Variants in UNC13C observed in about 807,000 individuals in gnomAD.
The protein encoded by UNC13C is unc-13 homolog C, also known as protein unc-13 homolog C.
UNC13C carries 174 observed loss-of-function variants against 245.4 expected under a neutral mutation model. The observed-to-expected ratio is 0.71, with a 90% CI of 0.63 to 0.80. The LOEUF (loss-of-function observed/expected upper bound fraction) is 0.80. Among genes scored for constraint, UNC13C ranks in the 30% least tolerant of loss-of-function variants. The pLI, the probability that UNC13C is intolerant of heterozygous loss-of-function variation, is 0.00. For synonymous variants in UNC13C, 992 were observed against 895.1 expected (o/e 1.11, Z -1.93); for missense variants, 2,829 against 2,602.9 (o/e 1.09, Z -1.89).
rs151318438 is a variant in UNC13C at position 54,485,440 on chromosome 15, C to T, written c.4934-9168C>T. ...ACCAAGATTAGACTTCATGCCTCACCGCTTCTACCACAATCATCACTGCTA... is the reference window on the plus strand; with the variant it reads ...ACCAAGATTAGACTTCATGCCTCACTGCTTCTACCACAATCATCACTGCTA... On this transcript the variant is annotated intron_variant, in intron 19 of 32. Coordinates refer to ENST00000260323, the MANE Select transcript of UNC13C (RefSeq NM_001080534.3). Among the ~76,000 whole-genome samples the T allele has an allele frequency of 4.3e-3, 654 of 152,222 alleles. 2 individuals carry two copies. Among genetic ancestry groups the T allele is most frequent in the Admixed American group, 0.011 (164 of 15,288 alleles).
chr15:54,235,792 G>T (rs973222017), intron 5 of UNC13C, among the ~76,000 whole-genome samples: 1 of 152,036 alleles, frequency 6.6e-6, no homozygotes, highest in Non-Finnish European at 1.5e-5. Context: ...CGGAGCTTGC[G>T]TGAGCCGAGA....
At chr15:54,075,058 A>T (rs1408227730) in intron 2 of UNC13C, among the ~76,000 whole-genome samples, 1 of 152,188 alleles carries the variant, frequency 6.6e-6, no homozygotes, top group Admixed American at 6.5e-5. Flanking sequence ...TCCAACATTT[A>T]CTATGGCCTG....
chr15:53,853,710 CATT>C, the UNC13C span, among the ~76,000 whole-genome samples: 1 of 152,292 alleles, frequency 6.6e-6, no homozygotes, highest in Admixed American at 6.5e-5. Context: ...GATGGTATCT[CATT>C]GTGGTTTGAT....
At chr15:54,263,095 A>T (rs2036467644) in intron 8 of UNC13C, among the ~76,000 whole-genome samples, 1 of 152,184 alleles carries the variant, frequency 6.6e-6, no homozygotes, top group African/African-American at 2.4e-5. Context: ...CTATCTCAGA[A>T]ATATAATAGT....
intron 2 of UNC13C, among the ~76,000 whole-genome samples, chr15:54,113,502 C>T (rs1035642990): frequency 2.6e-4 from 40 of 152,048 alleles, no homozygotes; most frequent in African/African-American, 9.2e-4. Flanking sequence ...GAAGTCTTTC[C>T]GGGGGTAATC....
At chr15:54,193,770 A>G (rs1204691228) in intron 4 of UNC13C, among the ~76,000 whole-genome samples, 1 of 152,178 alleles carries the variant, frequency 6.6e-6, no homozygotes, top group Non-Finnish European at 1.5e-5. Flanking sequence ...TCTCCCTACA[A>G]AGATTTCCCT....
intron 4 of UNC13C, among the ~76,000 whole-genome samples, chr15:54,170,741 G>A (rs192612178): frequency 8.5e-5 from 13 of 152,244 alleles, no homozygotes; most frequent in African/African-American, 3.1e-4. Context: ...GGCAATGAAG[G>A]TGCCACAGGT....
At chr15:54,401,151 T>C (rs1487247557) in intron 18 of UNC13C, among the ~76,000 whole-genome samples, 4 of 152,196 alleles carry the variant, frequency 2.6e-5, no homozygotes, top group Non-Finnish European at 5.9e-5. Context: ...TAATTATTTC[T>C]TTTAACCTAA....
chr15:54,171,760 C>T (rs950144753), intron 4 of UNC13C, among the ~76,000 whole-genome samples: 20 of 151,992 alleles, frequency 1.3e-4, no homozygotes, highest in Non-Finnish European at 2.9e-5. Flanking sequence ...TAGGTATATA[C>T]CCAAAAGAAA....
At chr15:54,037,778 C>T (rs1215278852) in intron 2 of UNC13C, among the ~76,000 whole-genome samples, 2 of 151,706 alleles carry the variant, frequency 1.3e-5, no homozygotes, top group Non-Finnish European at 2.9e-5. Flanking sequence ...GTTAGGTTTG[C>T]CATTTATGCA....
chr15:54,420,129 T>A (rs529651879), intron 19 of UNC13C, among the ~76,000 whole-genome samples: 2 of 152,156 alleles, frequency 1.3e-5, no homozygotes, highest in African/African-American at 4.8e-5. Flanking sequence ...CTAAAAAATA[T>A]AAGGTTTAGG....
intron 2 of UNC13C, among the ~76,000 whole-genome samples, chr15:54,046,552 T>G (rs1273699021): frequency 6.6e-6 from 1 of 152,130 alleles, no homozygotes; most frequent in Non-Finnish European, 1.5e-5. Context: ...GTATATAGTT[T>G]TGTTCATTTT....
chr15:54,054,791 A>G (rs978062382), intron 2 of UNC13C, among the ~76,000 whole-genome samples: 3 of 151,380 alleles, frequency 2.0e-5, no homozygotes, highest in African/African-American at 7.3e-5. Flanking sequence ...TTTCACGAAC[A>G]TATTTATTTT....
At chr15:54,147,705 G>GGGGGT (rs33941534) in intron 4 of UNC13C, among the ~76,000 whole-genome samples, 10 of 149,804 alleles carry the variant, frequency 6.7e-5, no homozygotes, top group Non-Finnish European at 1.3e-4. Context: ...CATCACAAGG[G>GGGGGT]GTGTGTGTGT....
chr15:54,448,525 G>T (rs1890964815), intron 19 of UNC13C, among the ~76,000 whole-genome samples: 12 of 152,276 alleles, frequency 7.9e-5, no homozygotes, highest in Admixed American at 7.2e-4. Flanking sequence ...TTACCATTAT[G>T]TAATGGCCTT....
At chr15:54,049,384 A>T in intron 2 of UNC13C, 1 of 516,834 alleles carries the variant, frequency 1.9e-6, no homozygotes, top group Non-Finnish European at 3.9e-6. Context: ...GATAAAACTA[A>T]CAGTTCCTTC....
In UNC13C at chr15:54,518,870, G is replaced by A. The variant is rs1301075062; in HGVS notation, c.5458-6679G>A. Among the ~76,000 whole-genome samples the A allele has an allele frequency of 3.9e-5, 6 of 152,170 alleles. No homozygotes were observed. The South Asian group carries it at 6.2e-4, about 16-fold the overall frequency. Reference sequence around the variant, plus strand: ...CAAAATTCTGAACATAAAGTGTCTCGTTGATTCTATTCCTAACTTATCCCT... The same window carrying A: ...CAAAATTCTGAACATAAAGTGTCTCATTGATTCTATTCCTAACTTATCCCT... On this transcript the variant is annotated intron_variant, in intron 24 of 32. Coordinates refer to ENST00000260323, the MANE Select transcript of UNC13C (RefSeq NM_001080534.3).
intron 2 of UNC13C, among the ~76,000 whole-genome samples, chr15:54,058,893 C>A (rs1313128174): frequency 6.6e-6 from 1 of 152,096 alleles, no homozygotes; most frequent in South Asian, 2.1e-4. Flanking sequence ...CAGAAAAGGC[C>A]TTTGACAAAA....
intron 13 of UNC13C, among the ~76,000 whole-genome samples, chr15:54,314,122 A>C (rs1365566948): frequency 6.6e-6 from 1 of 151,664 alleles, no homozygotes; most frequent in African/African-American, 2.4e-5. Context: ...AAAGAGCGGA[A>C]TGGTGATTAC....
Sources: gnomAD v4.1 joint callset for allele counts (sites outside exome capture counted in the v4.1 genomes callset) on GRCh38, gnomAD v4.1.1 for gene constraint, MANE v1.5 for transcripts, NCBI Gene and HGNC (gene_info 2026-07-23, HGNC 2026-07-21) for gene names.